The following ZNF704 variants were observed in gnomAD, a reference collection of about 807,000 sequenced individuals.
ZNF704 encodes glucocorticoid induced gene 1.
ZNF704 carries 10 observed loss-of-function variants against 44.7 expected under a neutral mutation model. That is an observed-to-expected ratio of 0.22 (90% CI 0.14 to 0.38). The LOEUF (loss-of-function observed/expected upper bound fraction) is 0.38, where lower values mean the gene tolerates loss of function less well. ZNF704 is among the 10% of genes least tolerant of loss of function. ZNF704 has a pLI of 1.00. For missense variants in ZNF704, 390 were observed against 545.5 expected (o/e 0.71, Z 2.84); for synonymous variants, 211 against 207.6 (o/e 1.02, Z -0.14).
intron 8 of ZNF704, among the ~76,000 whole-genome samples, chr8:80,642,433 T>C (rs1368099223): frequency 6.6e-6 from 1 of 152,186 alleles, no homozygotes; most frequent in Admixed American, 6.5e-5. Context: ...ACAGTCAATC[T>C]AATGGGCGAG....
At chr8:80,782,133 T>A (rs867184390) in intron 2 of ZNF704, among the ~76,000 whole-genome samples, 1 of 152,158 alleles carries the variant, frequency 6.6e-6, no homozygotes, top group African/African-American at 2.4e-5. Flanking sequence ...ACCTCTTGCT[T>A]TGAGTTAGCG....
In ZNF704 at chr8:80,641,309, G is replaced by T; in HGVS notation, c.*57C>A. 1 of 1,187,498 alleles carries T rather than the reference G, an allele frequency of 8.4e-7. No individual in the cohort carries two copies. Among genetic ancestry groups the T allele is most frequent in the Non-Finnish European group, 1.2e-6 (1 of 855,512 alleles). 73.6% of individuals were successfully genotyped at this position (1,187,498 alleles called of 1,614,324 possible). On this transcript the variant is annotated 3_prime_UTR_variant, in exon 9 of 9. Coordinates refer to ENST00000327835, the MANE Select transcript of ZNF704 (RefSeq NM_001033723.3). ...GGAAAAGCTCTTTCCAACACCTGCA[G>T]TGGCAGGCCAGGGCAGGAGCGGCTC...
chr8:80,652,649 T>C (rs1426825189), intron 7 of ZNF704, among the ~76,000 whole-genome samples: 1 of 152,058 alleles, frequency 6.6e-6, no homozygotes, highest in Non-Finnish European at 1.5e-5. Context: ...AGACCAATAA[T>C]AGGCTCTGAA....
intron 2 of ZNF704, among the ~76,000 whole-genome samples, chr8:80,748,450 T>C (rs1278527433): frequency 6.6e-6 from 1 of 152,180 alleles, no homozygotes; most frequent in Non-Finnish European, 1.5e-5. Flanking sequence ...CATCATCCAG[T>C]CCTCTCAGCT....
intron 5 of ZNF704, among the ~76,000 whole-genome samples, chr8:80,666,649 C>T (rs1280698090): frequency 1.3e-5 from 2 of 152,106 alleles, no homozygotes; most frequent in African/African-American, 2.4e-5. Flanking sequence ...TCTTTAATGA[C>T]TGCCATTCTA....
intron 1 of ZNF704, among the ~76,000 whole-genome samples, chr8:80,826,555 TCCTC>T (rs1808379892): frequency 6.6e-6 from 1 of 152,122 alleles, no homozygotes; most frequent in African/African-American, 2.4e-5. Flanking sequence ...AAAGAGGGAA[TCCTC>T]CCTAACTCAT....
At position 80,634,315 on chromosome 8, in the gene ZNF704, T is replaced by C. The variant is rs1817633429; in HGVS notation, c.*7051A>G. On this transcript the variant is annotated 3_prime_UTR_variant, in exon 9 of 9. Coordinates refer to ENST00000327835, the MANE Select transcript of ZNF704 (RefSeq NM_001033723.3). ...AGAGCTGGATAACTCAGCGTATCTA[T>C]ATTCAAGTCTGCCATGAGAATGATA... is the stretch of plus-strand genomic sequence containing the variant. 1.3e-5 allele frequency: 2 copies of C among 152,258 alleles called. No homozygotes were observed. The allele number at this position is 152,258 out of a possible 1,614,324, so 9.4% of individuals were successfully genotyped here. A position where few individuals can be genotyped will look rare whatever the true frequency, so the allele number is the denominator to read the frequency against.
chr8:80,858,112 G>A (rs779764513), intron 1 of ZNF704, among the ~76,000 whole-genome samples: 12 of 151,944 alleles, frequency 7.9e-5, no homozygotes, highest in South Asian at 2.1e-4. Context: ...CTATAGTAAC[G>A]TCCTTTCTTT....
At chr8:80,717,334 G>T (rs938159015) in intron 2 of ZNF704, among the ~76,000 whole-genome samples, 1 of 152,186 alleles carries the variant, frequency 6.6e-6, no homozygotes, top group African/African-American at 2.4e-5. Flanking sequence ...GCAAGTTCAT[G>T]CCAGGCACTG....
intron 2 of ZNF704, among the ~76,000 whole-genome samples, chr8:80,768,829 G>A (rs1427162764): frequency 1.3e-5 from 2 of 152,128 alleles, no homozygotes; most frequent in African/African-American, 4.8e-5. Flanking sequence ...ATCAGCAAAT[G>A]ATACAAATGA....
intron 2 of ZNF704, among the ~76,000 whole-genome samples, chr8:80,802,406 A>C (rs1586038299): frequency 6.6e-6 from 1 of 152,210 alleles, no homozygotes; most frequent in East Asian, 1.9e-4. Flanking sequence ...CTTCAAGCCA[A>C]TATTCTTGAT....
intron 2 of ZNF704, among the ~76,000 whole-genome samples, chr8:80,740,424 C>T (rs544702766): frequency 6.6e-6 from 1 of 152,258 alleles, no homozygotes; most frequent in African/African-American, 2.4e-5. Flanking sequence ...AAAGGCAGTA[C>T]CCTCTTAGAC....
rs972767024 is a variant in ZNF704, at chr8:80,635,541, A to G, written c.*5825T>C. On this transcript the variant is annotated 3_prime_UTR_variant, in exon 9 of 9. Coordinates refer to ENST00000327835, the MANE Select transcript of ZNF704 (RefSeq NM_001033723.3). Reference sequence around the variant, plus strand: ...AAGAATTCTATCTTTGGGCCTGTCTACTATGATTTTAGAAATTTCCACCAA... The same window carrying G: ...AAGAATTCTATCTTTGGGCCTGTCTGCTATGATTTTAGAAATTTCCACCAA... 3.9e-5 allele frequency: 6 copies of G among 152,230 alleles called. No homozygotes were observed. The highest frequency in any genetic ancestry group is 1.4e-4 in the African/African-American group (6 of 41,460). 9.4% of individuals were successfully genotyped at this position (152,230 alleles called of 1,614,324 possible).
chr8:80,795,589 G>A (rs141880759), intron 2 of ZNF704, among the ~76,000 whole-genome samples: 1 of 152,176 alleles, frequency 6.6e-6, no homozygotes, highest in African/African-American at 2.4e-5. Context: ...CATCTGAACA[G>A]TGTTCTGATT....
At chr8:80,672,291 A>G (rs757111454) in intron 4 of ZNF704, among the ~76,000 whole-genome samples, 1 of 152,244 alleles carries the variant, frequency 6.6e-6, no homozygotes, top group Non-Finnish European at 1.5e-5. Flanking sequence ...GGCTGCAGAG[A>G]AACGAGGATG....
chr8:80,688,194 C>A (rs141666775), intron 3 of ZNF704, among the ~76,000 whole-genome samples: 16 of 151,104 alleles, frequency 1.1e-4, no homozygotes, highest in Non-Finnish European at 1.6e-4. Flanking sequence ...GGTGAAAGAG[C>A]GAGATCCTGT....
At position 80,859,860 on chromosome 8, in the gene ZNF704, GA is replaced by G. The variant is rs1809029360; in HGVS notation, c.-22+14710del. On this transcript the variant is annotated intron_variant, in intron 1 of 8. Transcript: ENST00000327835. ...TCAGGGTTGGTGAAAGGACCAGAAT[GA>G]AAACAGTGAGAATGAGGCTTGCATT... Among the ~76,000 whole-genome samples, 3 of 152,234 alleles carry G rather than the reference GA, an allele frequency of 2.0e-5. No individual in the cohort carries two copies. In the South Asian group the frequency reaches 6.2e-4, roughly 32 times the overall value.
At chr8:80,742,526 C>T (rs992838438) in intron 2 of ZNF704, among the ~76,000 whole-genome samples, 5 of 152,132 alleles carry the variant, frequency 3.3e-5, no homozygotes, top group African/African-American at 1.2e-4. Flanking sequence ...GTGACGTGTG[C>T]CAAAGAAATA....
chr8:80,670,439 T>C, intron 5 of ZNF704, 64 bp downstream of exon 5: 1 of 1,203,450 alleles, frequency 8.3e-7, no homozygotes, highest in Non-Finnish European at 1.2e-6. Flanking sequence ...GTGCAATTTC[T>C]GAGTGCGGGT....
Sources: gnomAD v4.1 joint callset for allele counts (sites outside exome capture counted in the v4.1 genomes callset) on GRCh38, gnomAD v4.1.1 for gene constraint, MANE v1.5 for transcripts, NCBI Gene and HGNC (gene_info 2026-07-23, HGNC 2026-07-21) for gene names.